MEGF11: variants seen among roughly 807,000 people sequenced by gnomAD.
MEGF11 encodes multiple EGF like domains 11, also known as multiple epidermal growth factor-like domains protein 11.
A neutral mutation model predicts 146.6 loss-of-function variants in MEGF11; 126 were observed. The ratio of observed to expected loss-of-function variants is 0.86; its 90% CI spans 0.74 to 1.00. The LOEUF is 1.00. Among genes scored for constraint, MEGF11 ranks in the 50% least tolerant of loss-of-function variants. MEGF11 has a pLI of 0.00. For missense variants in MEGF11, 1,509 were observed against 1,521.2 expected, an observed-to-expected ratio of 0.99 and a Z score of 0.13; for synonymous variants, 532 against 583.4, an observed-to-expected ratio of 0.91 and a Z score of 1.27.
intron 5 of MEGF11, among the ~76,000 whole-genome samples, chr15:66,026,510 A>G (rs1162272317): frequency 6.6e-6 from 1 of 152,062 alleles, no homozygotes; most frequent in Non-Finnish European, 1.5e-5. Flanking sequence ...TTTGAGACGG[A>G]GTCTTGCTTT....
At chr15:65,908,957 G>T in intron 23 of MEGF11, 77 bp downstream of exon 23, 2 of 883,740 alleles carry the variant, frequency 2.3e-6, no homozygotes, top group Non-Finnish European at 3.6e-6. Context: ...TGGGGGTCAA[G>T]GTGCAGGGAT....
At chr15:66,244,197 G>A (rs530367840) in intron 1 of MEGF11, among the ~76,000 whole-genome samples, 13 of 152,150 alleles carry the variant, frequency 8.5e-5, no homozygotes, top group African/African-American at 1.2e-4. Flanking sequence ...CATCTCTCCC[G>A]CAGTAAACAT....
intron 1 of MEGF11, among the ~76,000 whole-genome samples, chr15:66,224,296 C>A (rs913164669): frequency 6.6e-6 from 1 of 152,040 alleles, no homozygotes; most frequent in African/African-American, 2.4e-5. Context: ...AGTATCTGGC[C>A]GAGCACAGTG....
intron 2 of MEGF11, among the ~76,000 whole-genome samples, chr15:66,127,009 A>G (rs2088383757): frequency 6.6e-6 from 1 of 152,232 alleles, no homozygotes; most frequent in Admixed American, 6.5e-5. Context: ...TGTCAACAAG[A>G]AAAGACAGTA....
intron 8 of MEGF11, among the ~76,000 whole-genome samples, chr15:65,965,670 G>T (rs2081068047): frequency 7.4e-6 from 1 of 134,862 alleles, no homozygotes; most frequent in African/African-American, 2.8e-5. Context: ...CAGGCTTCAA[G>T]GCACCATTTT....
chr15:65,902,859 C>T (rs55702827), intron 24 of MEGF11, among the ~76,000 whole-genome samples: 83 of 152,258 alleles, frequency 5.5e-4, no homozygotes, highest in African/African-American at 2.0e-3. Flanking sequence ...ATAAAGGGAG[C>T]ATCAAATCTA....
Position 66,100,976 on chromosome 15 carries a change from G to A in MEGF11, c.302-6482C>T, listed in dbSNP as rs1248846054. The stretch of plus-strand genomic sequence containing the variant: ...AGTGAGTGGGTGAACAGGCGGGTGA[G>A]TGAGCCAGTGAGTGGGTGGTGGGTG... On this transcript the variant is annotated intron_variant, in intron 4 of 25. Transcript: ENST00000395614. Among the ~76,000 whole-genome samples, 8 of 139,906 alleles carry A rather than the reference G, an allele frequency of 5.7e-5. No individual in the cohort carries two copies. The South Asian group carries it at 1.4e-3, about 25-fold the overall frequency. 91.8% of individuals were successfully genotyped at this position (139,906 alleles called of 152,430 possible).
At chr15:66,067,465 G>A (rs184655811) in intron 5 of MEGF11, among the ~76,000 whole-genome samples, 14 of 152,332 alleles carry the variant, frequency 9.2e-5, no homozygotes, top group Admixed American at 9.1e-4. Context: ...AGGACTTGCT[G>A]GAGGCCTTAA....
At chr15:66,006,730 A>T (rs533622996) in intron 5 of MEGF11, among the ~76,000 whole-genome samples, 77 of 152,358 alleles carry the variant, frequency 5.1e-4, no homozygotes, top group Non-Finnish European at 9.3e-4. Context: ...TAACCTGTAT[A>T]TAAAAGCCCT....
chr15:66,179,166 T>C (rs563811213), intron 1 of MEGF11, among the ~76,000 whole-genome samples: 1 of 152,292 alleles, frequency 6.6e-6, no homozygotes, highest in South Asian at 2.1e-4. Flanking sequence ...GAAGTCTCTC[T>C]CTGTCATCCA....
intron 1 of MEGF11, among the ~76,000 whole-genome samples, chr15:66,167,095 T>C (rs2090116874): frequency 6.6e-6 from 1 of 152,096 alleles, no homozygotes; most frequent in Non-Finnish European, 1.5e-5. Flanking sequence ...CTGCCTTTCA[T>C]AGACACATGG....
chr15:65,974,578 C>T (rs997550996), intron 7 of MEGF11, among the ~76,000 whole-genome samples: 2 of 152,140 alleles, frequency 1.3e-5, no homozygotes, highest in Non-Finnish European at 2.9e-5. Flanking sequence ...TCACTTGAAC[C>T]TGGGAGGCGG....
At chr15:66,033,631 C>A (rs2083614390) in intron 5 of MEGF11, among the ~76,000 whole-genome samples, 1 of 152,226 alleles carries the variant, frequency 6.6e-6, no homozygotes, top group Non-Finnish European at 1.5e-5. Context: ...ATAGGCTGAT[C>A]CCAGCAAGGC....
At chr15:66,055,205 A>ACTACTGAAC (rs2084627235) in intron 5 of MEGF11, among the ~76,000 whole-genome samples, 1 of 152,254 alleles carries the variant, frequency 6.6e-6, no homozygotes, top group African/African-American at 2.4e-5. Flanking sequence ...AAGGCTGCAC[A>ACTACTGAAC]CTACTGAACC....
At chr15:65,978,773 C>T (rs1290895875) in intron 7 of MEGF11, among the ~76,000 whole-genome samples, 1 of 149,390 alleles carries the variant, frequency 6.7e-6, no homozygotes, top group East Asian at 1.9e-4. Flanking sequence ...CCTTTTTCTT[C>T]CTCAGAGGAG....
intron 23 of MEGF11, among the ~76,000 whole-genome samples, chr15:65,907,418 C>T (rs2078662049): frequency 6.6e-6 from 1 of 152,124 alleles, no homozygotes; most frequent in African/African-American, 2.4e-5. Flanking sequence ...TCTCAACCTC[C>T]TGAGTAGCTG....
At chr15:65,937,326 T>C (rs1378712203) in intron 10 of MEGF11, among the ~76,000 whole-genome samples, 1 of 152,200 alleles carries the variant, frequency 6.6e-6, no homozygotes, top group Non-Finnish European at 1.5e-5. Flanking sequence ...TGTGCTTTGC[T>C]TAGCCTAGCA....
intron 9 of MEGF11, among the ~76,000 whole-genome samples, chr15:65,961,365 C>T (rs2080851358): frequency 6.6e-6 from 1 of 152,222 alleles, no homozygotes; most frequent in South Asian, 2.1e-4. Context: ...ATACAGGAAT[C>T]CTTCCAGAGT....
chr15:66,068,503 AC>A (rs1470194866), intron 5 of MEGF11, among the ~76,000 whole-genome samples: 7 of 152,224 alleles, frequency 4.6e-5, no homozygotes, highest in African/African-American at 7.2e-5. Context: ...GAAATCTAGT[AC>A]CTAATTTGAA....
Sources: gnomAD v4.1 joint callset for allele counts (sites outside exome capture counted in the v4.1 genomes callset) on GRCh38, gnomAD v4.1.1 for gene constraint, MANE v1.5 for transcripts, NCBI Gene and HGNC (gene_info 2026-07-23, HGNC 2026-07-21) for gene names.